Variants in ASPSCR1 observed in about 807,000 individuals in gnomAD.
ASPSCR1 encodes the protein ASPSCR1 tether for SLC2A4, UBX domain containing.
In ASPSCR1, 55 loss-of-function variants were observed where a neutral mutation model predicts 68.9. The observed-to-expected ratio is 0.80, with a 90% CI of 0.64 to 1.00. The LOEUF (loss-of-function observed/expected upper bound fraction) is 1.00, where lower values mean the gene tolerates loss of function less well. ASPSCR1 is among the 50% of genes least tolerant of loss of function. The probability of loss-of-function intolerance (pLI) is 0.00; values close to 1 mark genes in which losing one functional copy is unlikely to be tolerated. For synonymous variants in ASPSCR1, 352 were observed against 332.6 expected, an observed-to-expected ratio of 1.06 and a Z score of -0.63; for missense variants, 765 against 762.2, an observed-to-expected ratio of 1.00 and a Z score of -0.04.
chr17:81,988,279 G>T (rs1480920612), intron 4 of ASPSCR1, among the ~76,000 whole-genome samples: 1 of 152,000 alleles, frequency 6.6e-6, no homozygotes, highest in Non-Finnish European at 1.5e-5. Flanking sequence ...TGGCCAACAT[G>T]GTGAAAACCC....
At chr17:81,985,355 A>G in intron 3 of ASPSCR1, 152 bp from the exon 4 acceptor site, 1 of 718,104 alleles carries the variant, frequency 1.4e-6, no homozygotes, top group Non-Finnish European at 2.3e-6. Flanking sequence ...TCCAGAGTGA[A>G]TAGGAGGGTA....
At chr17:81,998,772 C>A (rs1001255441) in intron 7 of ASPSCR1, among the ~76,000 whole-genome samples, 1 of 152,258 alleles carries the variant, frequency 6.6e-6, no homozygotes, top group African/African-American at 2.4e-5. Context: ...GGGAGCTGGG[C>A]AGTGGCCCCT....
chr17:82,015,761 G>A (rs2043103591), intron 12 of ASPSCR1: 1 of 238,562 alleles, frequency 4.2e-6, no homozygotes, highest in Non-Finnish European at 8.2e-6. Context: ...AGCTCCTGGC[G>A]CTGTCCTCCC....
chr17:82,004,153 A>C (rs2042628924), intron 7 of ASPSCR1, among the ~76,000 whole-genome samples: 1 of 152,218 alleles, frequency 6.6e-6, no homozygotes, highest in South Asian at 2.1e-4. Context: ...GCCTGTGTGC[A>C]TGCCCCTGGC....
chr17:82,017,041 G>T lies in ASPSCR1; in HGVS notation c.1576G>T (p.Glu526Ter), dbSNP rs772729531. ...TGAGGAGGGGGCGCTGGTCCCCCCT[G>T]AGCCCATCCCAGGGACGGCCCAGCC... ...AAEEGALVPP[E>*]PIPGTAQPVK... Residue 526 changes from glutamate (E) to a stop codon, truncating the protein, a stop_gained, in exon 15 of 16, where the codon GAG (glutamate) becomes TAG (stop). Transcript: ENST00000306739. LOFTEE classifies it high-confidence loss of function. The T allele has an allele frequency of 1.9e-6, 3 of 1,611,548 alleles. No individual in the cohort carries two copies. The South Asian group carries it at 3.3e-5, about 18-fold the overall frequency.
chr17:81,997,487 GTTTT>G (rs774654669), intron 7 of ASPSCR1, among the ~76,000 whole-genome samples: 1 of 135,906 alleles, frequency 7.4e-6, no homozygotes, highest in South Asian at 2.4e-4. Context: ...TTTTTTCTGG[GTTTT>G]TTTTTTTTTT....
At position 81,980,491 on chromosome 17, in the gene ASPSCR1, G is replaced by A. The variant is rs2041761013; in HGVS notation, c.158+1252G>A. Among the ~76,000 whole-genome samples, 8 of 152,340 alleles carry A rather than the reference G, an allele frequency of 5.3e-5. No individual in the cohort carries two copies. The South Asian group carries it at 1.7e-3, about 32-fold the overall frequency. ...TGCTCTGAATGCCAGGTGGTCTTGG[G>A]CTTTCTGCCCCAGACCTTCACACCA... is the stretch of plus-strand genomic sequence containing the variant. On this transcript the variant is annotated intron_variant, in intron 2 of 15. Coordinates refer to ENST00000306739, the MANE Select transcript of ASPSCR1 (RefSeq NM_024083.4).
chr17:81,984,703 C>T (rs1182155800), intron 3 of ASPSCR1, among the ~76,000 whole-genome samples: 1 of 151,954 alleles, frequency 6.6e-6, no homozygotes, highest in East Asian at 1.9e-4. Flanking sequence ...GAGCTGCAAT[C>T]TTTTGAAGCC....
At chr17:81,980,250 G>A (rs2041754418) in intron 2 of ASPSCR1, among the ~76,000 whole-genome samples, 1 of 152,218 alleles carries the variant, frequency 6.6e-6, no homozygotes, top group African/African-American at 2.4e-5. Context: ...CAAAGTACTG[G>A]GATTACAGAG....
At chr17:82,017,256 CCGGGTGGT>C in intron 15 of ASPSCR1, 45 bp from the exon 16 acceptor site, 1 of 1,606,274 alleles carries the variant, frequency 6.2e-7, no homozygotes, top group Non-Finnish European at 8.5e-7. Context: ...GGGCGGGTGG[CCGGGTGGT>C]GAGAGCCCGG....
intron 5 of ASPSCR1, 56 bp downstream of exon 5, chr17:81,994,934 A>G (rs781391940): frequency 3.9e-6 from 6 of 1,533,930 alleles, no homozygotes; most frequent in East Asian, 2.4e-5. Flanking sequence ...CCACTTTCCA[A>G]CTGGAAAATC....
chr17:81,995,888 A>C, intron 5 of ASPSCR1, 104 bp from the exon 6 acceptor site: 2 of 1,085,564 alleles, frequency 1.8e-6, no homozygotes, highest in Non-Finnish European at 2.7e-6. Context: ...GAGGCCAGAG[A>C]GGGCACGTGG....
At chr17:82,015,385 A>G (rs368349085) in intron 12 of ASPSCR1, 334 of 1,583,774 alleles carry the variant, frequency 2.1e-4, no homozygotes, top group Non-Finnish European at 2.7e-4. Flanking sequence ...TGCTCCCTGC[A>G]CAGAGGCGCA....
chr17:81,981,287 ACT>A (rs775017122), intron 2 of ASPSCR1, among the ~76,000 whole-genome samples: 3 of 152,110 alleles, frequency 2.0e-5, no homozygotes, highest in African/African-American at 2.4e-5. Flanking sequence ...ATGGCCAGGA[ACT>A]CAGCTTTCAA....
chr17:82,002,794 G>A (rs1397088810), intron 7 of ASPSCR1, among the ~76,000 whole-genome samples: 1 of 152,182 alleles, frequency 6.6e-6, no homozygotes, highest in Non-Finnish European at 1.5e-5. Context: ...CTGACCTCAG[G>A]TGATCTGCCT....
intron 7 of ASPSCR1, among the ~76,000 whole-genome samples, chr17:81,997,662 T>TA (rs771509644): frequency 6.6e-6 from 1 of 151,350 alleles, no homozygotes. Flanking sequence ...CTAATTTTTT[T>TA]GTATTTTTAG....
At chr17:81,991,451 G>A (rs2042159842) in intron 4 of ASPSCR1, among the ~76,000 whole-genome samples, 1 of 152,214 alleles carries the variant, frequency 6.6e-6, no homozygotes, top group South Asian at 2.1e-4. Flanking sequence ...GGCTGCTGGT[G>A]AGGACAGGGC....
In ASPSCR1 at chr17:81,995,996, C is replaced by T. The variant is rs11539916; in HGVS notation, c.437C>T (p.Thr146Met). 163 of 1,609,348 alleles carry T rather than the reference C, an allele frequency of 1.0e-4. No homozygotes were observed. The highest frequency in any genetic ancestry group is 1.7e-4 in the Admixed American group (10 of 59,562). Reference sequence around the variant, plus strand: ...TCCTGGCTGCTCCTCCTGCAGGTGACGGGTGAAGCTGCCCTGCGGGGCACG... The same window carrying T: ...TCCTGGCTGCTCCTCCTGCAGGTGATGGGTGAAGCTGCCCTGCGGGGCACG... ...PVCVYTRDEV[T>M]GEAALRGTTL... Residue 146 changes from threonine (T) to methionine (M), a missense_variant, in exon 6 of 16, where the codon ACG becomes ATG. By Grantham distance (81) the Thr-to-Met change is moderately conservative. Coordinates refer to ENST00000306739, the MANE Select transcript of ASPSCR1 (RefSeq NM_024083.4).
chr17:82,009,947 G>C, intron 9 of ASPSCR1: 2 of 235,884 alleles, frequency 8.5e-6, no homozygotes, highest in South Asian at 3.7e-5. Context: ...GTCTCTCTCT[G>C]TCGCCCAGGC....
Sources: gnomAD v4.1 joint callset for allele counts (sites outside exome capture counted in the v4.1 genomes callset) on GRCh38, gnomAD v4.1.1 for gene constraint, MANE v1.5 for transcripts, NCBI Gene and HGNC (gene_info 2026-07-23, HGNC 2026-07-21) for gene names.